Variants in BBS9 observed in about 807,000 individuals in gnomAD.
BBS9 encodes protein PTHB1.
BBS9 carries 89 observed loss-of-function variants against 117.7 expected under a neutral mutation model. The ratio of observed to expected loss-of-function variants is 0.76; its 90% CI spans 0.64 to 0.90. The LOEUF (loss-of-function observed/expected upper bound fraction) is 0.90. Among genes scored for constraint, BBS9 ranks in the 40% least tolerant of loss-of-function variants. The pLI is 0.00. For missense variants in BBS9, 982 were observed against 1,042.2 expected (o/e 0.94, Z 0.80); for synonymous variants, 379 against 370.9 (o/e 1.02, Z -0.25).
chr7:33,613,466 G>C (rs531854424), intron 21 of BBS9, among the ~76,000 whole-genome samples: 1 of 151,962 alleles, frequency 6.6e-6, no homozygotes, highest in Non-Finnish European at 1.5e-5. Context: ...TGGTACAGGG[G>C]TTTTTCAGAC....
chr7:33,495,052 C>T (rs1472872886), intron 19 of BBS9, among the ~76,000 whole-genome samples: 1 of 152,120 alleles, frequency 6.6e-6, no homozygotes, highest in Non-Finnish European at 1.5e-5. Flanking sequence ...TACATAAAAA[C>T]TACAAATACT....
intron 19 of BBS9, among the ~76,000 whole-genome samples, chr7:33,407,646 T>C (rs1830282457): frequency 6.6e-6 from 1 of 152,210 alleles, no homozygotes. Flanking sequence ...TTGTTTTCCT[T>C]CTAACAGACA....
intron 19 of BBS9, among the ~76,000 whole-genome samples, chr7:33,453,720 A>G (rs1352815001): frequency 1.3e-5 from 2 of 152,146 alleles, no homozygotes; most frequent in Non-Finnish European, 2.9e-5. Context: ...GGGTTTCACC[A>G]TGTTGGCCAG....
At chr7:33,411,662 G>A (rs1831163833) in intron 19 of BBS9, among the ~76,000 whole-genome samples, 1 of 152,042 alleles carries the variant, frequency 6.6e-6, no homozygotes, top group Non-Finnish European at 1.5e-5. Flanking sequence ...TCTTAAAAGT[G>A]TTATTCAGTC....
Position 33,193,496 on chromosome 7 carries a change from A to G in BBS9, c.442+15905A>G, listed in dbSNP as rs1396689250. On this transcript the variant is annotated intron_variant, in intron 5 of 22. Transcript: ENST00000242067. ...CCTCTTTACCTTGCTTGAGCAATCAAGCTTAGCTTGGCCCACTCTGTTTGG... is the reference window on the plus strand; with the variant it reads ...CCTCTTTACCTTGCTTGAGCAATCAGGCTTAGCTTGGCCCACTCTGTTTGG... Among the ~76,000 whole-genome samples, 6 of 149,842 alleles carry G rather than the reference A, an allele frequency of 4.0e-5. No individual in the cohort carries two copies. In the South Asian group the frequency reaches 1.1e-3, roughly 26 times the overall value.
intron 21 of BBS9, among the ~76,000 whole-genome samples, chr7:33,534,899 G>A (rs1851137491): frequency 6.6e-6 from 1 of 152,212 alleles, no homozygotes; most frequent in Admixed American, 6.5e-5. Context: ...TGATGCAGCA[G>A]CTATAGCATC....
chr7:33,275,829 T>C (rs1191950958), intron 9 of BBS9, among the ~76,000 whole-genome samples: 5 of 152,216 alleles, frequency 3.3e-5, no homozygotes, highest in Non-Finnish European at 7.3e-5. Flanking sequence ...TGTTAATTTA[T>C]AGTTTTTGGT....
At chr7:33,632,016 A>G (rs888535216) in intron 21 of BBS9, among the ~76,000 whole-genome samples, 4 of 152,230 alleles carry the variant, frequency 2.6e-5, no homozygotes, top group African/African-American at 7.2e-5. Flanking sequence ...GTTGAGGGAA[A>G]GGAGAGATTT....
rs537378501 is a variant in BBS9 at position 33,621,396 on chromosome 7, T to C, written c.2522-13781T>C. Among the ~76,000 whole-genome samples the C allele has an allele frequency of 3.9e-5, 6 of 152,234 alleles. No homozygotes were observed. The South Asian group carries it at 1.2e-3, about 32-fold the overall frequency. On this transcript the variant is annotated intron_variant, in intron 21 of 21. Transcript: ENST00000671952. The stretch of plus-strand genomic sequence containing the variant: ...ATGGGCAAAGGACCTGAATAGACAT[T>C]TCTCAAAAGAAGACATACAGATGGC...
rs1017828071 is a variant in BBS9 at position 33,150,864 on chromosome 7, A to G, written c.113-1837A>G. On this transcript the variant is annotated intron_variant, in intron 2 of 22. Coordinates refer to ENST00000242067, the MANE Select transcript of BBS9 (RefSeq NM_198428.3). ...TTTCTGCATAAAGAGTAATACATCA[A>G]CTAGAGATCTTAGAGGAGTTCTTGG... Among the ~76,000 whole-genome samples the G allele has an allele frequency of 2.0e-5, 3 of 152,256 alleles. No individual in the cohort carries two copies. The East Asian group carries it at 5.8e-4, about 29-fold the overall frequency.
chr7:33,347,896 T>C (rs145369092), intron 12 of BBS9, among the ~76,000 whole-genome samples: 1 of 152,152 alleles, frequency 6.6e-6, no homozygotes, highest in East Asian at 1.9e-4. Context: ...AACTGCCGTA[T>C]AGAAAAGGTA....
chr7:33,210,950 T>C (rs1287557161), intron 5 of BBS9, among the ~76,000 whole-genome samples: 1 of 152,224 alleles, frequency 6.6e-6, no homozygotes, highest in Non-Finnish European at 1.5e-5. Context: ...TTACAGTTTT[T>C]GTCTTGAATT....
chr7:33,620,313 T>C (rs1865340536), intron 21 of BBS9, among the ~76,000 whole-genome samples: 1 of 152,012 alleles, frequency 6.6e-6, no homozygotes, highest in South Asian at 2.1e-4. Context: ...TTAATAATCT[T>C]GTGTATAGTA....
chr7:33,527,338 T>A (rs1585132650), intron 20 of BBS9, among the ~76,000 whole-genome samples: 1 of 152,002 alleles, frequency 6.6e-6, no homozygotes, highest in South Asian at 2.1e-4. Flanking sequence ...TGGGCGCCCC[T>A]CCCCCAGCCT....
intron 1 of BBS9, among the ~76,000 whole-genome samples, chr7:33,131,848 C>CA (rs1030613391): frequency 1.3e-5 from 2 of 151,296 alleles, no homozygotes; most frequent in African/African-American, 4.9e-5. Flanking sequence ...AGAAGGTCAG[C>CA]AAAAAAAGGT....
At chr7:33,304,999 AAGGCCGC>A (rs1807574506) in intron 9 of BBS9, among the ~76,000 whole-genome samples, 2 of 152,094 alleles carry the variant, frequency 1.3e-5, no homozygotes. Flanking sequence ...AACACTGTGG[AAGGCCGC>A]AGGGAACTCT....
intron 21 of BBS9, among the ~76,000 whole-genome samples, chr7:33,587,230 G>A (rs954614191): frequency 6.6e-6 from 1 of 151,994 alleles, no homozygotes; most frequent in Non-Finnish European, 1.5e-5. Flanking sequence ...CTTGTGGATT[G>A]TACAGTGAGC....
At chr7:33,632,273 G>GCAT (rs1240867288) in intron 21 of BBS9, among the ~76,000 whole-genome samples, 4 of 152,344 alleles carry the variant, frequency 2.6e-5, no homozygotes, top group Admixed American at 1.3e-4. Context: ...AGCAGCAGCA[G>GCAT]CAGCGCCCCC....
chr7:33,598,839 A>AGCTT (rs1303623124), intron 21 of BBS9, among the ~76,000 whole-genome samples: 12 of 152,180 alleles, frequency 7.9e-5, no homozygotes, highest in African/African-American at 2.4e-4. Context: ...GAAAATTACA[A>AGCTT]TACTGTATGC....
Sources: gnomAD v4.1 joint callset for allele counts (sites outside exome capture counted in the v4.1 genomes callset) on GRCh38, gnomAD v4.1.1 for gene constraint, MANE v1.5 for transcripts, NCBI Gene and HGNC (gene_info 2026-07-23, HGNC 2026-07-21) for gene names.